The following KLF12 variants were observed in gnomAD, a reference collection of about 807,000 sequenced individuals.
The protein encoded by KLF12 is Krueppel-like factor 12.
A neutral mutation model predicts 37.8 loss-of-function variants in KLF12; 9 were observed. That is an observed-to-expected ratio of 0.24 (90% CI 0.14 to 0.42). The LOEUF (loss-of-function observed/expected upper bound fraction) is 0.42. Ranked by LOEUF, KLF12 falls within the 10% of genes least tolerant of loss-of-function variation. The pLI, the probability that KLF12 is intolerant of heterozygous loss-of-function variation, is 1.00. For missense variants in KLF12, 411 were observed against 516.0 expected, an observed-to-expected ratio of 0.80 and a Z score of 1.97; for synonymous variants, 208 against 202.1, an observed-to-expected ratio of 1.03 and a Z score of -0.25.
chr13:73,956,792 G>A (rs1890848216), intron 2 of KLF12, among the ~76,000 whole-genome samples: 1 of 151,910 alleles, frequency 6.6e-6, no homozygotes, highest in Non-Finnish European at 1.5e-5. Flanking sequence ...GACGGTCATG[G>A]TGGTGTGCAC....
At chr13:73,956,346 C>T (rs1890830458) in intron 2 of KLF12, among the ~76,000 whole-genome samples, 1 of 152,140 alleles carries the variant, frequency 6.6e-6, no homozygotes, top group African/African-American at 2.4e-5. Context: ...TGAGGAAGTC[C>T]ATTGTTGTAA....
chr13:73,911,139 T>C (rs1194451813), intron 3 of KLF12, among the ~76,000 whole-genome samples: 1 of 152,202 alleles, frequency 6.6e-6, no homozygotes, highest in African/African-American at 2.4e-5. Flanking sequence ...GCTAGGTGAT[T>C]GATATATTAG....
At chr13:74,172,316 AAAAAAACCC>A in the KLF12 span, among the ~76,000 whole-genome samples, 1 of 150,908 alleles carries the variant, frequency 6.6e-6, no homozygotes, top group South Asian at 2.1e-4. Flanking sequence ...TGAATAGCAC[AAAAAAACCC>A]TTTATTGGGA....
the KLF12 span, among the ~76,000 whole-genome samples, chr13:74,156,073 C>T: frequency 6.6e-6 from 1 of 152,214 alleles, no homozygotes; most frequent in Non-Finnish European, 1.5e-5. Context: ...CTCAGCACTT[C>T]TTGTCCATCC....
chr13:74,052,426 C>G (rs1872983072), intron 1 of KLF12, among the ~76,000 whole-genome samples: 1 of 151,952 alleles, frequency 6.6e-6, no homozygotes, highest in Non-Finnish European at 1.5e-5. Flanking sequence ...TTCTATTACT[C>G]CCATTCTTGA....
chr13:73,835,372 G>C (rs1810972228), intron 4 of KLF12, among the ~76,000 whole-genome samples: 1 of 152,032 alleles, frequency 6.6e-6, no homozygotes, highest in African/African-American at 2.4e-5. Flanking sequence ...TTTCATTACA[G>C]GTCTCATGGT....
At chr13:73,809,646 A>C (rs978845099) in intron 5 of KLF12, among the ~76,000 whole-genome samples, 2 of 152,118 alleles carry the variant, frequency 1.3e-5, no homozygotes, top group Middle Eastern at 3.2e-3. Flanking sequence ...ATTTTAATAT[A>C]TTACTATTAG....
intron 5 of KLF12, among the ~76,000 whole-genome samples, chr13:73,779,412 C>T (rs1204761341): frequency 6.6e-6 from 1 of 152,112 alleles, no homozygotes; most frequent in Non-Finnish European, 1.5e-5. Context: ...ATAAAACTCC[C>T]TACAGGGCAG....
intron 4 of KLF12, among the ~76,000 whole-genome samples, chr13:73,834,692 C>T (rs561082660): frequency 3.2e-4 from 49 of 152,124 alleles, no homozygotes; most frequent in Non-Finnish European, 4.9e-4. Flanking sequence ...TTGTATTCTT[C>T]GTAGAGACGA....
At chr13:74,176,990 T>C in the KLF12 span, among the ~76,000 whole-genome samples, 1 of 152,220 alleles carries the variant, frequency 6.6e-6, no homozygotes, top group Non-Finnish European at 1.5e-5. Context: ...TTTCTTTGAG[T>C]TACTGGGAAT....
At chr13:73,972,041 T>C (rs946628804) in intron 2 of KLF12, among the ~76,000 whole-genome samples, 16 of 152,156 alleles carry the variant, frequency 1.1e-4, no homozygotes, top group African/African-American at 2.9e-4. Context: ...AACCAAATGA[T>C]ATGAAATGAT....
chr13:74,083,235 G>A (rs956189994), intron 1 of KLF12, among the ~76,000 whole-genome samples: 5 of 152,142 alleles, frequency 3.3e-5, no homozygotes, highest in Admixed American at 2.6e-4. Context: ...TATTGAGGCC[G>A]GGCGCAGTGG....
Position 73,808,765 on chromosome 13 carries a change from G to A in KLF12, c.806+4387C>T, listed in dbSNP as rs1882778192. Among the ~76,000 whole-genome samples the A allele has an allele frequency of 2.6e-5, 4 of 152,204 alleles. No individual in the cohort carries two copies. In the South Asian group the frequency reaches 8.3e-4, roughly 31 times the overall value. ...CAAATTAAAAATCCAAACTTGAACA[G>A]TTATTGCATGAGGCAAGACTATGAG... is the stretch of plus-strand genomic sequence containing the variant. On this transcript the variant is annotated intron_variant, in intron 5 of 7. Coordinates refer to ENST00000377669, the MANE Select transcript of KLF12 (RefSeq NM_007249.5).
intron 3 of KLF12, among the ~76,000 whole-genome samples, chr13:73,853,215 T>C (rs762868468): frequency 3.3e-5 from 5 of 152,224 alleles, no homozygotes; most frequent in Non-Finnish European, 7.3e-5. Context: ...TAAAATGTGT[T>C]CAATACACAC....
intron 3 of KLF12, among the ~76,000 whole-genome samples, chr13:73,919,672 G>A (rs537632634): frequency 3.3e-5 from 5 of 152,084 alleles, no homozygotes; most frequent in South Asian, 2.1e-4. Context: ...AACATTGCAC[G>A]CCATATTGTT....
Position 73,859,259 on chromosome 13 carries a change from C to T in KLF12, c.124-12886G>A, listed in dbSNP as rs147780062. 7.7e-4 allele frequency among the ~76,000 whole-genome samples: 117 copies of T among 152,268 alleles called. 1 individual carries two copies. Among genetic ancestry groups the T allele is most frequent in the Non-Finnish European group, 1.4e-3 (95 of 68,014 alleles). On this transcript the variant is annotated intron_variant, in intron 3 of 7. Transcript: ENST00000377669. ...CCACATGCAAAACAGGGAGCAGGGG[C>T]AGGCAAGAGCTTTCTCTTCCGGTAA... is the stretch of plus-strand genomic sequence containing the variant.
chr13:73,733,173 TTAAC>T (rs1877198852), intron 6 of KLF12, among the ~76,000 whole-genome samples: 1 of 152,184 alleles, frequency 6.6e-6, no homozygotes, highest in African/African-American at 2.4e-5. Flanking sequence ...ATTTACCCCT[TTAAC>T]TGTTTTTAAG....
At chr13:73,806,043 C>T (rs990710506) in intron 5 of KLF12, among the ~76,000 whole-genome samples, 1 of 151,698 alleles carries the variant, frequency 6.6e-6, no homozygotes, top group Non-Finnish European at 1.5e-5. Context: ...TCAAGTGATA[C>T]ACTGCCTCGG....
At chr13:73,738,927 T>C (rs1877736568) in intron 6 of KLF12, among the ~76,000 whole-genome samples, 1 of 152,124 alleles carries the variant, frequency 6.6e-6, no homozygotes, top group East Asian at 1.9e-4. Context: ...GTTTCCTTTC[T>C]ATAAAACGGA....
Sources: gnomAD v4.1 joint callset for allele counts (sites outside exome capture counted in the v4.1 genomes callset) on GRCh38, gnomAD v4.1.1 for gene constraint, MANE v1.5 for transcripts, NCBI Gene and HGNC (gene_info 2026-07-23, HGNC 2026-07-21) for gene names.